The following CRB2 variants were observed in gnomAD, a reference collection of about 807,000 sequenced individuals.
CRB2 encodes the protein protein crumbs homolog 2.
Under a neutral mutation model 110.9 loss-of-function variants are expected in CRB2, and 85 were observed. The ratio of observed to expected loss-of-function variants is 0.77; its 90% CI spans 0.64 to 0.92. CRB2 has a LOEUF of 0.92. Among genes scored for constraint, CRB2 ranks in the 40% least tolerant of loss-of-function variants. The pLI is 0.00. For synonymous variants in CRB2, 907 were observed against 831.0 expected, an observed-to-expected ratio of 1.09 and a Z score of -1.57; for missense variants, 1,843 against 1,851.3, an observed-to-expected ratio of 1.00 and a Z score of 0.08.
intron 2 of CRB2, among the ~76,000 whole-genome samples, chr9:123,363,786 G>T (rs898892939): frequency 1.3e-5 from 2 of 152,350 alleles, no homozygotes; most frequent in Admixed American, 1.3e-4. Flanking sequence ...AAAAGTGACT[G>T]GCACTAAGGG....
chr9:123,363,254 A>AT, intron 2 of CRB2, 66 bp downstream of exon 2: 8 of 1,485,306 alleles, frequency 5.4e-6, no homozygotes, highest in Non-Finnish European at 7.2e-6. Context: ...TCAGAGTGTA[A>AT]GCATCATGGC....
chr9:123,358,511 A>C (rs2041825462), intron 1 of CRB2, among the ~76,000 whole-genome samples: 1 of 152,262 alleles, frequency 6.6e-6, no homozygotes, highest in Admixed American at 6.5e-5. Flanking sequence ...ACCCAATGTC[A>C]GGATCCTTTG....
In CRB2 at chr9:123,376,907, C is replaced by T; in HGVS notation, c.3703C>T (p.Leu1235Phe). 6.2e-7 allele frequency: 1 copy of T among 1,608,578 alleles called. No homozygotes were observed. Among genetic ancestry groups the T allele is most frequent in the Non-Finnish European group, 8.5e-7 (1 of 1,178,502 alleles). Residue 1235 changes from leucine (L) to phenylalanine (F), a missense_variant, in exon 13 of 13, where the codon CTC becomes TTC. Physicochemically the swap from Leu to Phe is conservative, Grantham distance 22 (BLOSUM62 0). Coordinates refer to ENST00000373631, the MANE Select transcript of CRB2 (RefSeq NM_173689.7). ...VAVPAACACL[L>F]LLLLGLLSGI... is the part of the protein sequence containing the mutation. The stretch of plus-strand genomic sequence containing the variant: ...CGTACCTGCAGCCTGTGCCTGCCTC[C>T]TCCTCCTCCTCCTGGGCCTCCTTTC...
chr9:123,371,273 G>C lies in CRB2; in HGVS notation c.2131G>C (p.Gly711Arg). ...SEGRIRAEVP[G>R]SPAVVLPGRW... The stretch of plus-strand genomic sequence containing the variant: ...GGGTCGGATCCGGGCTGAGGTGCCG[G>C]GCAGTCCTGCTGTAGTGCTCCCTGG... Residue 711 changes from glycine (G) to arginine (R), a missense_variant, in exon 8 of 13, where the codon GGC becomes CGC. Gly to Arg is a moderately radical substitution (Grantham distance 125, BLOSUM62 -2). Coordinates refer to ENST00000373631, the MANE Select transcript of CRB2 (RefSeq NM_173689.7). 1 of 1,613,886 alleles carries C rather than the reference G, an allele frequency of 6.2e-7. No homozygotes were observed. Among genetic ancestry groups the C allele is most frequent in the South Asian group, 1.1e-5 (1 of 91,074 alleles).
At chr9:123,361,614 T>TG (rs1168920947) in intron 1 of CRB2, among the ~76,000 whole-genome samples, 1 of 19,572 alleles carries the variant, frequency 5.1e-5, no homozygotes, top group Non-Finnish European at 1.1e-4. Context: ...CGGATGGGGG[T>TG]GGGGGGAGGA....
chr9:123,367,428 C>G (rs566843140), intron 5 of CRB2, 71 bp downstream of exon 5: 2 of 929,262 alleles, frequency 2.2e-6, no homozygotes, highest in African/African-American at 3.0e-5. Flanking sequence ...CCCACCCCCC[C>G]ACCCCCCCCA....
At chr9:123,361,841 C>T (rs1010921636) in intron 1 of CRB2, among the ~76,000 whole-genome samples, 1 of 152,180 alleles carries the variant, frequency 6.6e-6, no homozygotes, top group Admixed American at 6.5e-5. Flanking sequence ...TGAAATTGAA[C>T]CCAGGTCTGT....
In CRB2 at chr9:123,367,165, C is replaced by T; in HGVS notation, c.755-7C>T. On this transcript the variant is annotated splice_region_variant and splice_polypyrimidine_tract_variant and intron_variant, in intron 4 of 12. Transcript: ENST00000373631. Reference sequence around the variant, plus strand: ...GAGACCTGATGTCCGCGTGTGTGTGCCCCCAGGCTACAGCGGCGAGCTGTG... The same window carrying T: ...GAGACCTGATGTCCGCGTGTGTGTGTCCCCAGGCTACAGCGGCGAGCTGTG... The T allele has an allele frequency of 6.3e-7, 1 of 1,575,754 alleles. No homozygotes were observed. Among genetic ancestry groups the T allele is most frequent in the Non-Finnish European group, 8.6e-7 (1 of 1,167,352 alleles).
chr9:123,372,992 A>G (rs2042038144), intron 9 of CRB2, 142 bp from the exon 10 acceptor site: 1 of 644,618 alleles, frequency 1.6e-6, no homozygotes, highest in Non-Finnish European at 2.5e-6. Flanking sequence ...GGGCGGCTGC[A>G]GTTTCCAGGA....
chr9:123,361,313 T>C (rs1406691898), intron 1 of CRB2, among the ~76,000 whole-genome samples: 1 of 152,200 alleles, frequency 6.6e-6, no homozygotes, highest in Non-Finnish European at 1.5e-5. Flanking sequence ...TGCATCACCT[T>C]GGTGAATCCT....
Position 123,363,092 on chromosome 9 carries a change from G to T in CRB2, c.322G>T (p.Asp108Tyr), listed in dbSNP as rs766137487. 6 of 1,611,518 alleles carry T rather than the reference G, an allele frequency of 3.7e-6. No homozygotes were observed. The East Asian group carries it at 1.3e-4, about 36-fold the overall frequency. Reference protein sequence around the residue: ...PGFQGPRCELDIDECASRPCH... With the variant: ...PGFQGPRCELYIDECASRPCH... ...TTTCCAGGGCCCACGCTGCGAGCTG[G>T]ACATCGATGAGTGTGCATCCCGGCC... Residue 108 changes from aspartate to tyrosine, a missense_variant, in exon 2 of 13, where the codon GAC becomes TAC. Transcript: ENST00000373631.
intron 6 of CRB2, among the ~76,000 whole-genome samples, chr9:123,369,823 C>T (rs2041987537): frequency 1.3e-5 from 2 of 151,978 alleles, no homozygotes; most frequent in Non-Finnish European, 2.9e-5. Context: ...GGATGGTAGC[C>T]CAGACAGCTG....
Position 123,376,909 on chromosome 9 carries a change from C to G in CRB2, c.3705C>G (p.Leu1235=). 1 of 1,608,894 alleles carries G rather than the reference C, an allele frequency of 6.2e-7. No individual in the cohort carries two copies. The highest frequency in any genetic ancestry group is 8.5e-7 in the Non-Finnish European group (1 of 1,178,760). The part of the protein sequence containing the change: ...VAVPAACACL[L]LLLLGLLSGI... ...TACCTGCAGCCTGTGCCTGCCTCCT[C>G]CTCCTCCTCCTGGGCCTCCTTTCAG... The change falls in exon 13 of 13, where the codon CTC becomes CTG. Residue 1235 remains leucine (L), a synonymous_variant. Coordinates refer to ENST00000373631, the MANE Select transcript of CRB2 (RefSeq NM_173689.7).
In CRB2 at chr9:123,370,841, T is replaced by G. The variant is rs2042004441; in HGVS notation, c.1788T>G (p.Gly596=). 6.2e-7 allele frequency: 1 copy of G among 1,607,288 alleles called. No homozygotes were observed. The highest frequency in any genetic ancestry group is 1.3e-5 in the African/African-American group (1 of 74,980). Residue 596 remains glycine (G), a synonymous_variant, in exon 7 of 13, where the codon GGT becomes GGG. Transcript: ENST00000373631. The part of the protein sequence containing the change: ...DGHLLLPEDL[G]ENVLLGCERR... ...ACCTCCTGCTGCCTGAGGATCTCGG[T>G]GAGAACGTCCTCCTGGGCTGTGAGC...
In CRB2 at chr9:123,362,932, G is replaced by A. The variant is rs1417078228; in HGVS notation, c.162G>A (p.Gln54=). The change falls in exon 2 of 13, where the codon CAG becomes CAA. Residue 54 remains glutamine, a synonymous_variant. Transcript: ENST00000373631. ...SDPCAPGTEC[Q]ATESGGYTCG... is the part of the protein sequence containing the mutation. ...CGTGCGCTCCAGGGACCGAGTGCCA[G>A]GCTACCGAGAGTGGTGGCTATACCT... 1 of 1,603,250 alleles carries A rather than the reference G, an allele frequency of 6.2e-7. No individual in the cohort carries two copies. The highest frequency in any genetic ancestry group is 1.3e-5 in the African/African-American group (1 of 74,744).
intron 2 of CRB2, 69 bp downstream of exon 2, chr9:123,363,257 A>C (rs1404558350): frequency 1.3e-5 from 19 of 1,468,862 alleles, no homozygotes; most frequent in Non-Finnish European, 1.7e-5. Flanking sequence ...GAGTGTAAGC[A>C]TCATGGCTTC....
chr9:123,375,173 CAGCCATGGGGGA>C (rs1173558016), intron 11 of CRB2, 32 bp from the exon 12 acceptor site: 2 of 1,609,440 alleles, frequency 1.2e-6, no homozygotes, highest in Non-Finnish European at 8.5e-7. Context: ...GCACAAGAGG[CAGCCATGGGGGA>C]AGCCGCTTTC....
Position 123,377,263 on chromosome 9 carries a change from C to T in CRB2, c.*201C>T. The T allele has an allele frequency of 1.7e-6, 1 of 580,732 alleles. No individual in the cohort carries two copies. The highest frequency in any genetic ancestry group is 2.4e-5 in the South Asian group (1 of 42,504). 36.0% of individuals were successfully genotyped at this position (580,732 alleles called of 1,614,324 possible). ...AACAGAGGCCTAGAGAGGCTGCGGA[C>T]TTCTCCATCCCACCCTCGGGGTTCC... On this transcript the variant is annotated 3_prime_UTR_variant, in exon 13 of 13. Transcript: ENST00000373631.
At position 123,370,693 on chromosome 9, in the gene CRB2, C is replaced by T. The variant is rs1020236238; in HGVS notation, c.1640C>T (p.Ala547Val). ...GGCTGCCCTGCCCGGCTCTGTGTGG[C>T]CTCTGGTCCTGTGGCCCTGGCTTCC... ...HEGCPARLCVASGPVALASTA... is the reference protein window; with the variant it reads ...HEGCPARLCVVSGPVALASTA... The change falls in exon 7 of 13, where the codon GCC becomes GTC. Residue 547 changes from alanine to valine, a missense_variant. By Grantham distance (64) the Ala-to-Val change is moderately conservative (BLOSUM62 0). Coordinates refer to ENST00000373631, the MANE Select transcript of CRB2 (RefSeq NM_173689.7). The T allele has an allele frequency of 6.9e-6, 11 of 1,605,500 alleles. No homozygotes were observed. The Middle Eastern group carries it at 6.6e-4, about 96-fold the overall frequency.
Sources: allele counts gnomAD v4.1 joint callset (sites outside exome capture counted in the v4.1 genomes callset), GRCh38; gene constraint gnomAD v4.1.1; transcripts MANE v1.5; gene names NCBI Gene and HGNC (gene_info 2026-07-23, HGNC 2026-07-21).